Variants in CPNE5 observed in about 807,000 individuals in gnomAD.
CPNE5 encodes the protein copine 5, also known as copine-5.
Under a neutral mutation model 81.1 loss-of-function variants are expected in CPNE5, and 42 were observed. The observed-to-expected ratio is 0.52, with a 90% CI of 0.40 to 0.67. The LOEUF is 0.67. CPNE5 is among the 30% of genes least tolerant of loss of function. The pLI is 0.00. For missense variants in CPNE5, 612 were observed against 815.5 expected (o/e 0.75, Z 3.04); for synonymous variants, 313 against 321.5 (o/e 0.97, Z 0.28).
chr6:36,834,968 C>T (rs1163356321), intron 1 of CPNE5, among the ~76,000 whole-genome samples: 2 of 152,140 alleles, frequency 1.3e-5, no homozygotes, highest in Non-Finnish European at 2.9e-5. Flanking sequence ...CGGGCTGCCT[C>T]TCTGGCTCCA....
Position 36,776,485 on chromosome 6 carries a change from T to G in CPNE5, c.633-1420A>C, listed in dbSNP as rs926825892. Among the ~76,000 whole-genome samples, 19 of 152,104 alleles carry G rather than the reference T, an allele frequency of 1.2e-4. No homozygotes were observed. In the East Asian group the frequency reaches 3.1e-3, roughly 25 times the overall value. ...AGGAGGGGCCACAGCTGCCCCTGAC[T>G]GGGGTAGGCAGGTGGGGCAGGAAGA... On this transcript the variant is annotated intron_variant, in intron 9 of 20. Transcript: ENST00000244751.
chr6:36,800,108 C>G, intron 3 of CPNE5, 38 bp from the exon 4 acceptor site: 1 of 1,504,030 alleles, frequency 6.6e-7, no homozygotes, highest in Non-Finnish European at 9.1e-7. Context: ...CAGGGCCGGG[C>G]TGGTGGGGCC....
chr6:36,755,446 A>G (rs1765315685), intron 13 of CPNE5: 1 of 151,696 alleles, frequency 6.6e-6, no homozygotes, highest in Admixed American at 6.6e-5. Context: ...TACTTCCTCC[A>G]TTGCCTGTCC....
rs532081215 is a variant in CPNE5, at chr6:36,831,610, G to A, written c.95+7673C>T. Among the ~76,000 whole-genome samples the A allele has an allele frequency of 2.8e-5, 4 of 142,148 alleles. No homozygotes were observed. In the South Asian group the frequency reaches 9.1e-4, roughly 32 times the overall value. The allele number at this position is 142,148 out of a possible 152,430, so 93.3% of individuals were successfully genotyped here. A position where few individuals can be genotyped will look rare whatever the true frequency, so the allele number is the denominator to read the frequency against. On this transcript the variant is annotated intron_variant, in intron 1 of 20. Coordinates refer to ENST00000244751, the MANE Select transcript of CPNE5 (RefSeq NM_020939.2). ...GCAGAGATCACGCCACTGCACTCCA[G>A]GCTGGGTGACAGAGTGAGACACCAT...
intron 3 of CPNE5, among the ~76,000 whole-genome samples, chr6:36,808,362 T>G (rs566764541): frequency 3.9e-4 from 59 of 152,246 alleles, no homozygotes; most frequent in African/African-American, 1.3e-3. Flanking sequence ...CACAAAGTGC[T>G]GGGATTACAG....
intron 3 of CPNE5, among the ~76,000 whole-genome samples, chr6:36,802,511 G>A (rs549176713): frequency 3.9e-5 from 6 of 152,188 alleles, no homozygotes; most frequent in African/African-American, 1.4e-4. Context: ...GAAGGCAGGG[G>A]TGCTGTTCGT....
intron 8 of CPNE5, among the ~76,000 whole-genome samples, chr6:36,786,349 C>T (rs1316981539): frequency 1.3e-5 from 2 of 152,172 alleles, no homozygotes; most frequent in Non-Finnish European, 2.9e-5. Context: ...GGCACAGAAG[C>T]TGGTCTGAGA....
rs1400960140 is a variant in CPNE5 at position 36,794,206 on chromosome 6, G to C, written c.464+384C>G. Among the ~76,000 whole-genome samples, 3 of 151,464 alleles carry C rather than the reference G, an allele frequency of 2.0e-5. No individual in the cohort carries two copies. In the East Asian group the frequency reaches 5.8e-4, roughly 29 times the overall value. ...AAGGATAAAGACAGGGGAGGAAAGA[G>C]GGGGAGAGAAGGGTGGGGATTGGGG... is the stretch of plus-strand genomic sequence containing the variant. On this transcript the variant is annotated intron_variant, in intron 7 of 20. Transcript: ENST00000244751.
At chr6:36,770,271 G>A (rs916300) in intron 10 of CPNE5, among the ~76,000 whole-genome samples, 12,117 of 152,172 alleles carry the variant, frequency 0.08, 563 homozygotes, top group East Asian at 0.17. Context: ...TCAACAGGAG[G>A]GAAATGCAGC....
chr6:36,772,217 C>T (rs1767097677), intron 10 of CPNE5, among the ~76,000 whole-genome samples: 1 of 152,166 alleles, frequency 6.6e-6, no homozygotes, highest in South Asian at 2.1e-4. Flanking sequence ...CTCTCCCATC[C>T]CCCTACCTTG....
chr6:36,827,734 G>C, intron 1 of CPNE5: 1 of 985,418 alleles, frequency 1.0e-6, no homozygotes, highest in Middle Eastern at 5.2e-4. Flanking sequence ...CAAAAGCCTG[G>C]GGGAGGAAAC....
At chr6:36,789,412 AT>A (rs1304783520) in intron 8 of CPNE5, among the ~76,000 whole-genome samples, 1 of 152,230 alleles carries the variant, frequency 6.6e-6, no homozygotes, top group Non-Finnish European at 1.5e-5. Context: ...GAGCGTTAGA[AT>A]TTCCAAAGCG....
At chr6:36,775,117 C>A (rs372394253) in intron 9 of CPNE5, 52 bp from the exon 10 acceptor site, 18 of 1,373,538 alleles carry the variant, frequency 1.3e-5, no homozygotes, top group Non-Finnish European at 1.8e-5. Context: ...CCAAGGGAGG[C>A]GAATGCAGGT....
intron 3 of CPNE5, among the ~76,000 whole-genome samples, chr6:36,815,872 G>A (rs186668365): frequency 6.6e-6 from 1 of 152,218 alleles, no homozygotes; most frequent in African/African-American, 2.4e-5. Flanking sequence ...GGTATGGGGC[G>A]ATCTGCTGGA....
chr6:36,751,044 G>C (rs757499163), intron 14 of CPNE5, among the ~76,000 whole-genome samples: 1 of 152,238 alleles, frequency 6.6e-6, no homozygotes, highest in Non-Finnish European at 1.5e-5. Context: ...CTGGGTCCAG[G>C]TGGGCAGGTG....
At chr6:36,821,879 G>A (rs547367710) in intron 3 of CPNE5, among the ~76,000 whole-genome samples, 2 of 152,296 alleles carry the variant, frequency 1.3e-5, no homozygotes, top group Admixed American at 1.3e-4. Context: ...CCTGAGAACA[G>A]GGCTATGTCT....
intron 3 of CPNE5, among the ~76,000 whole-genome samples, chr6:36,804,984 C>T (rs1770457740): frequency 1.3e-5 from 2 of 151,826 alleles, no homozygotes; most frequent in African/African-American, 4.9e-5. Context: ...TGTTTTATAG[C>T]CTTCATTACT....
intron 4 of CPNE5, 30 bp from the exon 5 acceptor site, chr6:36,798,524 C>A (rs1326568573): frequency 6.2e-7 from 1 of 1,611,006 alleles, no homozygotes; most frequent in Admixed American, 1.7e-5. Context: ...ACGATGAAGG[C>A]AGCTGCGGAC....
chr6:36,832,992 G>C (rs12525540), intron 1 of CPNE5, among the ~76,000 whole-genome samples: 20,281 of 152,144 alleles, frequency 0.13, 1,594 homozygotes, highest in African/African-American at 0.2. Flanking sequence ...TCCAGTTCTG[G>C]GTTTGCTGCT....
Sources: allele counts gnomAD v4.1 joint callset (sites outside exome capture counted in the v4.1 genomes callset), GRCh38; gene constraint gnomAD v4.1.1; transcripts MANE v1.5; gene names NCBI Gene and HGNC (gene_info 2026-07-23, HGNC 2026-07-21).